The following FHIT variants were observed in gnomAD, a reference collection of about 807,000 sequenced individuals.
FHIT encodes fragile histidine triad diadenosine triphosphatase.
Under a neutral mutation model 17.9 loss-of-function variants are expected in FHIT, and 19 were observed. The ratio of observed to expected loss-of-function variants is 1.06; its 90% CI spans 0.74 to 1.56. FHIT has a LOEUF of 1.56. Among genes scored for constraint, FHIT ranks in the 40% most tolerant of loss-of-function variants. FHIT has a pLI of 0.00. For missense variants in FHIT, 248 were observed against 189.2 expected, an observed-to-expected ratio of 1.31 and a Z score of -1.82; for synonymous variants, 81 against 69.7, an observed-to-expected ratio of 1.16 and a Z score of -0.81.
At position 60,748,326 on chromosome 3, in the gene FHIT, T is replaced by C. The variant is rs183319019; in HGVS notation, c.-18+73593A>G. Among the ~76,000 whole-genome samples, 258 of 152,290 alleles carry C rather than the reference T, an allele frequency of 1.7e-3. 1 individual carries two copies. The highest frequency in any genetic ancestry group is 0.014 in the South Asian group (66 of 4,822). On this transcript the variant is annotated intron_variant, in intron 4 of 9. Coordinates refer to ENST00000492590, the MANE Select transcript of FHIT (RefSeq NM_002012.4). ...TTAACAGGAGAAAAGTTTATTTATG[T>C]GCATATGGAAGCTTACAAAAGAAGT...
At chr3:60,116,881 C>T (rs1704987458) in intron 5 of FHIT, among the ~76,000 whole-genome samples, 1 of 136,002 alleles carries the variant, frequency 7.4e-6, no homozygotes, top group South Asian at 2.3e-4. Context: ...ACAAAATTTC[C>T]CTTCTATTTT....
At chr3:60,800,259 A>G (rs954271361) in intron 4 of FHIT, among the ~76,000 whole-genome samples, 3 of 152,208 alleles carry the variant, frequency 2.0e-5, no homozygotes, top group Non-Finnish European at 2.9e-5. Flanking sequence ...GCCCCAAATA[A>G]TAGGTCTTGA....
At chr3:60,871,939 A>G (rs1553755121) in intron 3 of FHIT, among the ~76,000 whole-genome samples, 1 of 152,130 alleles carries the variant, frequency 6.6e-6, no homozygotes, top group Non-Finnish European at 1.5e-5. Context: ...TTGAAATTAC[A>G]AGTGTGAGCC....
intron 7 of FHIT, among the ~76,000 whole-genome samples, chr3:59,988,251 T>G (rs2630168): frequency 0.57 from 86,366 of 151,790 alleles, 24,961 homozygotes; most frequent in Admixed American, 0.66. Flanking sequence ...AACAACCTGA[T>G]AAAATATCTG....
chr3:59,855,807 GTCTTGCCC>G (rs1418823068), intron 8 of FHIT, among the ~76,000 whole-genome samples: 3 of 149,266 alleles, frequency 2.0e-5, no homozygotes, highest in African/African-American at 7.4e-5. Context: ...TTGAGACGGA[GTCTTGCCC>G]TGTCGCTCAG....
At chr3:61,012,569 C>T (rs187956299) in intron 3 of FHIT, among the ~76,000 whole-genome samples, 1 of 151,816 alleles carries the variant, frequency 6.6e-6, no homozygotes, top group Admixed American at 6.6e-5. Context: ...GTGCTAAATC[C>T]TGTTTTGTTT....
At chr3:60,115,312 C>T (rs1289472086) in intron 5 of FHIT, among the ~76,000 whole-genome samples, 1 of 152,064 alleles carries the variant, frequency 6.6e-6, no homozygotes, top group East Asian at 1.9e-4. Flanking sequence ...CTATTCAAAT[C>T]AATATGGTAC....
intron 5 of FHIT, among the ~76,000 whole-genome samples, chr3:60,072,201 T>C: frequency 6.6e-6 from 1 of 152,202 alleles, no homozygotes; most frequent in East Asian, 1.9e-4. Context: ...CAAACACTCT[T>C]GCTTTAAGAG....
chr3:61,045,921 A>G (rs189903750), intron 2 of FHIT, among the ~76,000 whole-genome samples: 2 of 152,324 alleles, frequency 1.3e-5, no homozygotes, highest in Admixed American at 1.3e-4. Flanking sequence ...GGCAGAAATA[A>G]AGATGTTCTT....
chr3:60,728,060 A>G (rs1374544650), intron 4 of FHIT, among the ~76,000 whole-genome samples: 1 of 152,222 alleles, frequency 6.6e-6, no homozygotes, highest in Non-Finnish European at 1.5e-5. Flanking sequence ...AATAGGAAGG[A>G]AAATGCCTAT....
At chr3:60,505,051 C>A (rs1469271505) in intron 5 of FHIT, among the ~76,000 whole-genome samples, 6 of 151,082 alleles carry the variant, frequency 4.0e-5, no homozygotes, top group Non-Finnish European at 7.4e-5. Context: ...TTTGTCAGAA[C>A]TATTTTGGAC....
At chr3:61,115,100 A>G (rs1379337329) in intron 2 of FHIT, among the ~76,000 whole-genome samples, 2 of 152,184 alleles carry the variant, frequency 1.3e-5, no homozygotes, top group Admixed American at 1.3e-4. Flanking sequence ...TTAGTCAGAA[A>G]TAACTGTTGT....
chr3:61,044,738 T>C (rs1002718015), intron 2 of FHIT, among the ~76,000 whole-genome samples: 24 of 152,152 alleles, frequency 1.6e-4, no homozygotes, highest in Middle Eastern at 3.4e-3. Context: ...GAGAGAAAGG[T>C]CCGGTTACCC....
At chr3:60,435,711 CAT>C (rs202053099) in intron 5 of FHIT, among the ~76,000 whole-genome samples, 3 of 152,034 alleles carry the variant, frequency 2.0e-5, no homozygotes, top group East Asian at 3.9e-4. Context: ...CACAGGTAAA[CAT>C]GTGTCATGGG....
intron 2 of FHIT, among the ~76,000 whole-genome samples, chr3:61,167,560 C>A (rs1378065287): frequency 2.8e-5 from 4 of 141,994 alleles, no homozygotes; most frequent in African/African-American, 7.9e-5. Flanking sequence ...ACCTGGGAGG[C>A]AGAGGTTGCA....
intron 5 of FHIT, among the ~76,000 whole-genome samples, chr3:60,486,338 A>G (rs1160111624): frequency 6.6e-6 from 1 of 152,148 alleles, no homozygotes; most frequent in Non-Finnish European, 1.5e-5. Context: ...TTTTTTCACA[A>G]AAGCATTATC....
At chr3:60,257,363 T>C (rs890963765) in intron 5 of FHIT, among the ~76,000 whole-genome samples, 3 of 152,170 alleles carry the variant, frequency 2.0e-5, no homozygotes, top group Non-Finnish European at 4.4e-5. Flanking sequence ...AAGAGTATCA[T>C]CTACTCTGTC....
At chr3:60,197,942 C>T (rs1702720886) in intron 5 of FHIT, among the ~76,000 whole-genome samples, 1 of 152,148 alleles carries the variant, frequency 6.6e-6, no homozygotes, top group Admixed American at 6.5e-5. Context: ...ACTGCAGGCC[C>T]TGGCATTCCC....
intron 4 of FHIT, among the ~76,000 whole-genome samples, chr3:60,673,600 T>C (rs1394485043): frequency 7.2e-5 from 11 of 152,038 alleles, no homozygotes; most frequent in Non-Finnish European, 2.9e-5. Flanking sequence ...GGTGATGGTT[T>C]GATAGGTACA....
Sources: allele counts gnomAD v4.1 joint callset (sites outside exome capture counted in the v4.1 genomes callset), GRCh38; gene constraint gnomAD v4.1.1; transcripts MANE v1.5; gene names NCBI Gene and HGNC (gene_info 2026-07-23, HGNC 2026-07-21).